The following TUBA3C variants were observed in gnomAD, a reference collection of about 807,000 sequenced individuals.
TUBA3C encodes the protein tubulin alpha-3C chain.
TUBA3C carries 23 observed loss-of-function variants against 33.4 expected under a neutral mutation model. The ratio of observed to expected loss-of-function variants is 0.69; its 90% CI spans 0.50 to 0.98. The LOEUF (loss-of-function observed/expected upper bound fraction) is 0.98, where lower values mean the gene tolerates loss of function less well. Ranked by LOEUF, TUBA3C falls within the 50% of genes least tolerant of loss-of-function variation. The pLI is 0.00. For missense variants in TUBA3C, 402 were observed against 616.0 expected, an observed-to-expected ratio of 0.65 and a Z score of 3.68; for synonymous variants, 269 against 250.4, an observed-to-expected ratio of 1.07 and a Z score of -0.70.
At chr13:19,180,885 G>A (rs1270085525) in intron 1 of TUBA3C, among the ~76,000 whole-genome samples, 5 of 151,324 alleles carry the variant, frequency 3.3e-5, no homozygotes, top group African/African-American at 1.2e-4. Context: ...TGGAGCCCAG[G>A]GGTTCAAGGC....
At position 19,177,105 on chromosome 13, in the gene TUBA3C, T is replaced by C. The variant is rs36216107; in HGVS notation, c.878A>G (p.Asn293Ser). Reference protein sequence around the residue: ...HEQLSVAEITNACFEPANQMV... With the variant: ...HEQLSVAEITSACFEPANQMV... ...CTGATTGGCTGGCTCGAAGCAGGCA[T>C]TGGTGATCTCAGCCACGGACAGCTG... The change falls in exon 4 of 5, where the codon AAT becomes AGT. Residue 293 changes from asparagine (N) to serine (S), a missense_variant. Physicochemically the swap from Asn to Ser is conservative, Grantham distance 46 (BLOSUM62 1). Coordinates refer to ENST00000400113, the MANE Select transcript of TUBA3C (RefSeq NM_006001.3). The surrounding 1 kb of genome is among the most constrained non-coding windows in gnomAD (Gnocchi z 5.0). 23,668 of 1,614,102 alleles carry C rather than the reference T, an allele frequency of 0.015. 256 individuals are homozygous for C. The highest frequency in any genetic ancestry group is 0.037 in the South Asian group (3,407 of 91,076).
chr13:19,174,182 A>C (rs898400671), intron 4 of TUBA3C, 23 bp from the exon 5 acceptor site: 1 of 1,594,158 alleles, frequency 6.3e-7, no homozygotes, highest in Admixed American at 1.7e-5. Context: ...AGGAAGAAAC[A>C]GTCCATGAAG....
chr13:19,178,817 C>A (rs886655683), intron 2 of TUBA3C, among the ~76,000 whole-genome samples: 9 of 152,182 alleles, frequency 5.9e-5, no homozygotes, highest in African/African-American at 1.9e-4. Context: ...ATCAGGGCAC[C>A]CTGTGTGGCC....
chr13:19,178,415 ACTGTGAAT>A, intron 2 of TUBA3C, 21 bp from the exon 3 acceptor site: 1 of 1,613,692 alleles, frequency 6.2e-7, no homozygotes, highest in Middle Eastern at 1.7e-4. Context: ...GACCGTATGT[ACTGTGAAT>A]CTTTAAGGCC....
At chr13:19,179,317 G>T (rs905338722) in intron 2 of TUBA3C, 24 bp downstream of exon 2, 2 of 1,612,774 alleles carry the variant, frequency 1.2e-6, no homozygotes, top group African/African-American at 2.7e-5. Context: ...TAAGAAAGCT[G>T]CCATCCAGGA....
chr13:19,180,018 A>AC (rs887659624), intron 1 of TUBA3C, among the ~76,000 whole-genome samples: 50 of 149,630 alleles, frequency 3.3e-4, no homozygotes, highest in African/African-American at 1.2e-3. Context: ...CTCTCTCTGC[A>AC]CCCCCAGATC....
intron 2 of TUBA3C, 96 bp downstream of exon 2, chr13:19,179,245 T>G: frequency 6.5e-7 from 1 of 1,541,816 alleles, no homozygotes; most frequent in Middle Eastern, 2.3e-4. Context: ...ATCTCATACC[T>G]TCTGCAGGAG....
At chr13:19,178,457 T>C in intron 2 of TUBA3C, 63 bp from the exon 3 acceptor site, 1 of 1,586,494 alleles carries the variant, frequency 6.3e-7, no homozygotes, top group Admixed American at 1.7e-5. Context: ...ATGGACACAT[T>C]CCAGGACTGT....
At chr13:19,176,820 G>T in intron 4 of TUBA3C, 107 bp downstream of exon 4, 2 of 1,276,208 alleles carry the variant, frequency 1.6e-6, no homozygotes, top group Non-Finnish European at 2.1e-6. Context: ...CCTAGCCCAT[G>T]GAATAGGGGT....
rs1177621159 is a variant in TUBA3C at position 19,178,232 on chromosome 13, CCTT to C, written c.375+11_375+13del. The C allele has an allele frequency of 6.2e-7, 1 of 1,613,830 alleles. No individual in the cohort carries two copies. Among genetic ancestry groups the C allele is most frequent in the East Asian group, 2.2e-5 (1 of 44,886 alleles). ...TGTGCAGGACAATGGTCACATGAAG[CCTT>C]CTCTTCTTACCAGTTTGCGGATCCG... On this transcript the variant is annotated intron_variant, in intron 3 of 4. Transcript: ENST00000400113.
At chr13:19,180,697 G>A (rs811460) in intron 1 of TUBA3C, among the ~76,000 whole-genome samples, 96,213 of 151,678 alleles carry the variant, frequency 0.63, 31,238 homozygotes, top group Middle Eastern at 0.73. Flanking sequence ...GGGTTTCACC[G>A]TGTTAGCCAG....
intron 4 of TUBA3C, among the ~76,000 whole-genome samples, chr13:19,175,242 A>G (rs1869138359): frequency 6.6e-6 from 1 of 152,038 alleles, no homozygotes; most frequent in African/African-American, 2.4e-5. Context: ...ACACAGCAAG[A>G]CTCCGTCTCA....
chr13:19,178,833 C>T (rs1869295448), intron 2 of TUBA3C, among the ~76,000 whole-genome samples: 1 of 152,118 alleles, frequency 6.6e-6, no homozygotes, highest in African/African-American at 2.4e-5. Flanking sequence ...TGGCCTGGGC[C>T]CCACAGGCTT....
chr13:19,179,867 G>A (rs1231289518), intron 1 of TUBA3C, among the ~76,000 whole-genome samples: 2 of 152,152 alleles, frequency 1.3e-5, no homozygotes, highest in African/African-American at 2.4e-5. Context: ...CCACATTATA[G>A]CCAGTCACAG....
Position 19,177,792 on chromosome 13 carries a change from C to T in TUBA3C, c.376-185G>A, listed in dbSNP as rs7981716. Among the ~76,000 whole-genome samples the T allele has an allele frequency of 0.18, 27,643 of 151,188 alleles. 2,991 individuals are homozygous for T. The highest frequency in any genetic ancestry group is 0.38 in the East Asian group (1,942 of 5,122). ...ATCTACAGACAAATCACCATGCATA[C>T]TTCAGACTAAGACCATTGCAGACGC... On this transcript the variant is annotated intron_variant, in intron 3 of 4. Coordinates refer to ENST00000400113, the MANE Select transcript of TUBA3C (RefSeq NM_006001.3). The surrounding 1 kb of genome is among the most constrained non-coding windows in gnomAD (Gnocchi z 5.0).
At chr13:19,175,860 C>T (rs1253231723) in intron 4 of TUBA3C, among the ~76,000 whole-genome samples, 1 of 152,178 alleles carries the variant, frequency 6.6e-6, no homozygotes, top group East Asian at 1.9e-4. Context: ...TCTCCTGCCT[C>T]AGCCTCCTCA....
chr13:19,176,093 C>G (rs1380161793), intron 4 of TUBA3C, among the ~76,000 whole-genome samples: 1 of 152,152 alleles, frequency 6.6e-6, no homozygotes, highest in Non-Finnish European at 1.5e-5. Flanking sequence ...GCACTCCAGC[C>G]TGGGTGACAG....
intron 1 of TUBA3C, among the ~76,000 whole-genome samples, chr13:19,181,056 CTTT>C (rs917256778): frequency 2.9e-5 from 4 of 139,958 alleles, no homozygotes; most frequent in African/African-American, 2.6e-5. Context: ...GCGTTGGTTG[CTTT>C]TTTTTTTTTT....
At chr13:19,178,095 C>G in intron 3 of TUBA3C, 151 bp downstream of exon 3, 1 of 1,273,460 alleles carries the variant, frequency 7.9e-7, no homozygotes, top group Non-Finnish European at 1.1e-6. Flanking sequence ...GACTGCCCAC[C>G]TTGGCCTCCC....
Sources: gnomAD v4.1 joint callset for allele counts (sites outside exome capture counted in the v4.1 genomes callset) on GRCh38, gnomAD v4.1.1 for gene constraint, Gnocchi (gnomAD v3.1) non-coding constraint, MANE v1.5 for transcripts, NCBI Gene and HGNC (gene_info 2026-07-23, HGNC 2026-07-21) for gene names.